The following MAP3K5 variants were observed in gnomAD, a reference collection of about 807,000 sequenced individuals.
MAP3K5 encodes the protein ASK-1.
In MAP3K5, 56 loss-of-function variants were observed where a neutral mutation model predicts 158.7. The observed-to-expected ratio is 0.35, with a 90% CI of 0.28 to 0.44. MAP3K5 has a LOEUF of 0.44. MAP3K5 is among the 20% of genes least tolerant of loss of function. The pLI is 1.00. For synonymous variants in MAP3K5, 579 were observed against 601.7 expected, an observed-to-expected ratio of 0.96 and a Z score of 0.55; for missense variants, 1,294 against 1,674.8, an observed-to-expected ratio of 0.77 and a Z score of 3.97.
chr6:136,733,062 T>C (rs1377004224), intron 1 of MAP3K5, among the ~76,000 whole-genome samples: 1 of 152,204 alleles, frequency 6.6e-6, no homozygotes, highest in African/African-American at 2.4e-5. Flanking sequence ...TACAGTGGCA[T>C]AATCACGGCT....
rs143868559 is a variant in MAP3K5 at position 136,733,895 on chromosome 6, T to C, written c.449-13306A>G. Among the ~76,000 whole-genome samples the C allele has an allele frequency of 2.1e-4, 32 of 152,312 alleles. 2 individuals are homozygous for C. Among genetic ancestry groups the C allele is most frequent in the African/African-American group, 7.7e-4 (32 of 41,560 alleles). ...ATTTATCATGATATGTATCTACCACTAAAGTATCATAATTATAGGATCATA... is the reference window on the plus strand; with the variant it reads ...ATTTATCATGATATGTATCTACCACCAAAGTATCATAATTATAGGATCATA... On this transcript the variant is annotated intron_variant, in intron 1 of 29. Transcript: ENST00000359015.
chr6:136,744,266 T>A (rs866976660), intron 1 of MAP3K5, among the ~76,000 whole-genome samples: 6 of 151,914 alleles, frequency 3.9e-5, no homozygotes, highest in African/African-American at 1.2e-4. Flanking sequence ...TGTGGGAGGG[T>A]AAGGAGTTTA....
chr6:136,559,739 G>A (rs955442711), intron 28 of MAP3K5, among the ~76,000 whole-genome samples: 2 of 151,762 alleles, frequency 1.3e-5, no homozygotes, highest in African/African-American at 4.8e-5. Context: ...TCACTATATT[G>A]ACCAGCCTAA....
chr6:136,692,709 C>T (rs1780438573), intron 7 of MAP3K5, among the ~76,000 whole-genome samples: 1 of 152,162 alleles, frequency 6.6e-6, no homozygotes, highest in Non-Finnish European at 1.5e-5. Context: ...CCAGTCTTAT[C>T]TTTTATGGTA....
chr6:136,733,739 T>C (rs757583677), intron 1 of MAP3K5, among the ~76,000 whole-genome samples: 11 of 151,606 alleles, frequency 7.3e-5, no homozygotes, highest in Non-Finnish European at 1.5e-4. Flanking sequence ...TCCCCCATTG[T>C]CAACATCCCC....
At chr6:136,678,258 C>G (rs534327095) in intron 7 of MAP3K5, among the ~76,000 whole-genome samples, 1 of 152,022 alleles carries the variant, frequency 6.6e-6, no homozygotes, top group South Asian at 2.1e-4. Flanking sequence ...AAGGATAAAA[C>G]TTGTATTCTA....
At chr6:136,700,797 C>T (rs537102889) in intron 3 of MAP3K5, among the ~76,000 whole-genome samples, 101 of 152,216 alleles carry the variant, frequency 6.6e-4, no homozygotes, top group African/African-American at 2.4e-3. Flanking sequence ...GTGGGAGAGA[C>T]CTCTATGAGA....
chr6:136,780,046 A>C (rs1015111458), intron 1 of MAP3K5, among the ~76,000 whole-genome samples: 10 of 152,212 alleles, frequency 6.6e-5, no homozygotes, highest in African/African-American at 2.2e-4. Context: ...TGCAGGGAAG[A>C]GTTGTCAAAG....
chr6:136,642,016 A>AAAT (rs1317110327), intron 12 of MAP3K5, among the ~76,000 whole-genome samples: 2 of 45,644 alleles, frequency 4.4e-5, no homozygotes, highest in Non-Finnish European at 8.2e-5. Flanking sequence ...AAAATAAAAT[A>AAAT]AATAAAATAA....
At chr6:136,700,415 A>G (rs1488313410) in intron 3 of MAP3K5, among the ~76,000 whole-genome samples, 1 of 152,170 alleles carries the variant, frequency 6.6e-6, no homozygotes, top group Admixed American at 6.5e-5. Flanking sequence ...TAAGGCATCA[A>G]AGGCAATTCT....
At chr6:136,664,740 G>A (rs530498989) in intron 8 of MAP3K5, among the ~76,000 whole-genome samples, 87 of 152,288 alleles carry the variant, frequency 5.7e-4, no homozygotes, top group Middle Eastern at 3.4e-3. Flanking sequence ...AGACCAGCTT[G>A]GCCAACATGG....
chr6:136,571,348 C>T (rs75951607), intron 25 of MAP3K5, among the ~76,000 whole-genome samples: 2,042 of 152,316 alleles, frequency 0.013, 23 homozygotes, highest in Non-Finnish European at 0.019. Context: ...ATGTAGCACT[C>T]CTGCTCGCCA....
intron 2 of MAP3K5, among the ~76,000 whole-genome samples, chr6:136,719,982 T>A (rs1660686061): frequency 6.6e-6 from 1 of 152,194 alleles, no homozygotes; most frequent in Non-Finnish European, 1.5e-5. Flanking sequence ...AAGTTTCTCC[T>A]CCTTTTCTCC....
chr6:136,570,541 G>A (rs1236763111), intron 25 of MAP3K5, among the ~76,000 whole-genome samples: 1 of 152,196 alleles, frequency 6.6e-6, no homozygotes, highest in Non-Finnish European at 1.5e-5. Context: ...ACAATCTAAA[G>A]AGAACTCATC....
intron 1 of MAP3K5, among the ~76,000 whole-genome samples, chr6:136,726,615 A>C (rs1781978473): frequency 6.6e-6 from 1 of 152,076 alleles, no homozygotes; most frequent in Non-Finnish European, 1.5e-5. Flanking sequence ...AATACGGAAT[A>C]TCTCTCCACT....
chr6:136,585,469 T>TTTTC (rs35799129), intron 23 of MAP3K5, among the ~76,000 whole-genome samples: 3,738 of 131,468 alleles, frequency 0.028, 103 homozygotes, highest in Admixed American at 0.042. Context: ...CTTTCTTTTC[T>TTTTC]TTTCTTTATT....
rs566180876 is a variant in MAP3K5, at chr6:136,686,375, G to C, written c.1253+7765C>G. On this transcript the variant is annotated intron_variant, in intron 7 of 29. Transcript: ENST00000359015. ...TGAAAAGCAGTAGAAGACAAGGACG[G>C]CCTCTCTCACCACTCCTATTCAACA... 3.4e-3 allele frequency among the ~76,000 whole-genome samples: 524 copies of C among 152,232 alleles called. 3 individuals are homozygous for C. The highest frequency in any genetic ancestry group is 0.012 in the African/African-American group (488 of 41,546).
chr6:136,791,206 G>A (rs1410449967), intron 1 of MAP3K5, among the ~76,000 whole-genome samples: 1 of 152,172 alleles, frequency 6.6e-6, no homozygotes, highest in Admixed American at 6.5e-5. Flanking sequence ...CGAAGGTAAG[G>A]TGAGTTGGGA....
At chr6:136,781,964 C>T (rs558643751) in intron 1 of MAP3K5, among the ~76,000 whole-genome samples, 2 of 151,326 alleles carry the variant, frequency 1.3e-5, no homozygotes, top group East Asian at 3.9e-4. Context: ...GCCAGTAATC[C>T]TAGCATTTTG....
Sources: gnomAD v4.1 joint callset for allele counts (sites outside exome capture counted in the v4.1 genomes callset) on GRCh38, gnomAD v4.1.1 for gene constraint, MANE v1.5 for transcripts, NCBI Gene and HGNC (gene_info 2026-07-23, HGNC 2026-07-21) for gene names.